Variants in KIF6 observed in about 807,000 individuals in gnomAD.
KIF6 encodes kinesin family member 6, also known as kinesin-like protein KIF6.
A neutral mutation model predicts 112.7 loss-of-function variants in KIF6; 106 were observed. The observed-to-expected ratio is 0.94, with a 90% CI of 0.80 to 1.11. The LOEUF (loss-of-function observed/expected upper bound fraction) is 1.11, where lower values mean the gene tolerates loss of function less well. Ranked by LOEUF, KIF6 falls within the 50% of genes least tolerant of loss-of-function variation. The pLI is 0.00. For synonymous variants in KIF6, 339 were observed against 339.9 expected (o/e 1.00, Z 0.03); for missense variants, 929 against 964.0 (o/e 0.96, Z 0.48).
intron 9 of KIF6, among the ~76,000 whole-genome samples, chr6:39,580,732 A>C (rs1386053545): frequency 7.2e-5 from 11 of 152,178 alleles, no homozygotes; most frequent in Admixed American, 7.2e-4. Flanking sequence ...AAAATAGTAT[A>C]AAAGAATACC....
At chr6:39,657,057 C>G (rs1785832252) in intron 3 of KIF6, among the ~76,000 whole-genome samples, 1 of 151,734 alleles carries the variant, frequency 6.6e-6, no homozygotes, top group Admixed American at 6.6e-5. Flanking sequence ...ATGGAGAAAC[C>G]CCGTCTCTAC....
intron 10 of KIF6, among the ~76,000 whole-genome samples, chr6:39,562,325 A>C (rs543503146): frequency 1.3e-5 from 2 of 152,296 alleles, no homozygotes; most frequent in East Asian, 3.9e-4. Context: ...CTTTAGAATG[A>C]AAAGGGGGAT....
rs1158937252 is a variant in KIF6, at chr6:39,419,955, ACTT to A, written c.1800_1802del (p.Arg600del). On this transcript the variant is annotated inframe_deletion, in exon 15 of 23. Transcript: ENST00000287152. ...AGAATATCATCTGCTTACCAATTTT[ACTT>A]CTTGCTTCATTTATACTTTCTCCCA... is the stretch of plus-strand genomic sequence containing the variant. The A allele has an allele frequency of 3.7e-6, 6 of 1,612,802 alleles. No homozygotes were observed. Among genetic ancestry groups the A allele is most frequent in the African/African-American group, 1.3e-5 (1 of 74,872 alleles).
chr6:39,603,316 A>C (rs1782677697), intron 6 of KIF6, among the ~76,000 whole-genome samples: 1 of 152,144 alleles, frequency 6.6e-6, no homozygotes, highest in Admixed American at 6.6e-5. Context: ...GACACTTTAC[A>C]TAACATCAAA....
At chr6:39,336,790 G>A (rs929025089) in intron 22 of KIF6, among the ~76,000 whole-genome samples, 6 of 117,800 alleles carry the variant, frequency 5.1e-5, no homozygotes, top group African/African-American at 8.4e-5. Flanking sequence ...CTACCCCACC[G>A]TTTTCTTTCC....
At chr6:39,527,370 C>G (rs1369376754) in intron 13 of KIF6, among the ~76,000 whole-genome samples, 1 of 152,136 alleles carries the variant, frequency 6.6e-6, no homozygotes, top group Non-Finnish European at 1.5e-5. Context: ...TTACTCCCAG[C>G]CTGGTCTATT....
intron 13 of KIF6, among the ~76,000 whole-genome samples, chr6:39,526,192 T>G (rs1192807107): frequency 6.6e-6 from 1 of 152,226 alleles, no homozygotes; most frequent in South Asian, 2.1e-4. Context: ...AGCTGTCACC[T>G]TGGACAATTT....
intron 6 of KIF6, among the ~76,000 whole-genome samples, chr6:39,608,506 A>T (rs544078618): frequency 2.6e-5 from 4 of 152,222 alleles, no homozygotes; most frequent in Non-Finnish European, 5.9e-5. Flanking sequence ...TACAGTTTCT[A>T]CTGCATGCAT....
At chr6:39,693,978 T>C (rs1178956983) in intron 3 of KIF6, among the ~76,000 whole-genome samples, 3 of 151,974 alleles carry the variant, frequency 2.0e-5, no homozygotes, top group Non-Finnish European at 4.4e-5. Context: ...CCATGATCAG[T>C]TGGATCTTAT....
chr6:39,379,552 C>T (rs899808057), intron 16 of KIF6, among the ~76,000 whole-genome samples: 9 of 152,014 alleles, frequency 5.9e-5, no homozygotes, highest in East Asian at 1.9e-4. Context: ...ACCCATGAGG[C>T]GGAGGCAAAA....
At chr6:39,593,387 T>C (rs1256103098) in intron 7 of KIF6, among the ~76,000 whole-genome samples, 2 of 152,248 alleles carry the variant, frequency 1.3e-5, no homozygotes, top group Non-Finnish European at 2.9e-5. Flanking sequence ...CTTCTTTCTG[T>C]GTGAAATTCA....
chr6:39,627,067 C>G (rs1784130687), intron 5 of KIF6, among the ~76,000 whole-genome samples: 2 of 152,160 alleles, frequency 1.3e-5, no homozygotes, highest in South Asian at 4.1e-4. Flanking sequence ...CTACACCTTG[C>G]CTGCCAAATC....
intron 3 of KIF6, among the ~76,000 whole-genome samples, chr6:39,649,126 A>C (rs1438967447): frequency 4.6e-5 from 7 of 152,128 alleles, no homozygotes; most frequent in Non-Finnish European, 1.0e-4. Context: ...TTGGGTGACA[A>C]GAAGACCCTG....
chr6:39,337,172 C>CTTCCT (rs1554195076), intron 22 of KIF6, among the ~76,000 whole-genome samples: 5 of 59,502 alleles, frequency 8.4e-5, no homozygotes, highest in Admixed American at 2.0e-4. Flanking sequence ...TCTTTCCTTC[C>CTTCCT]TTCTTTCTTT....
intron 3 of KIF6, among the ~76,000 whole-genome samples, chr6:39,679,655 G>A (rs1268587696): frequency 8.9e-5 from 12 of 134,276 alleles, no homozygotes; most frequent in Non-Finnish European, 1.7e-4. Flanking sequence ...TCACTCTGCT[G>A]CCCAGGCTGG....
chr6:39,379,178 G>A (rs1461848770), intron 16 of KIF6, among the ~76,000 whole-genome samples: 1 of 152,206 alleles, frequency 6.6e-6, no homozygotes, highest in Admixed American at 6.5e-5. Flanking sequence ...TGAAAACTAT[G>A]TAACTCTGGG....
intron 6 of KIF6, among the ~76,000 whole-genome samples, chr6:39,610,211 T>C (rs1783141253): frequency 6.6e-6 from 1 of 152,194 alleles, no homozygotes; most frequent in Non-Finnish European, 1.5e-5. Flanking sequence ...ATTTATTCTC[T>C]TTGGCCCAGC....
In KIF6 at chr6:39,358,951, G is replaced by A. The variant is rs536513148; in HGVS notation, c.2082+1444C>T. On this transcript the variant is annotated intron_variant, in intron 18 of 22. Transcript: ENST00000287152. ...ACACCTAGATCTTATTAATTAGTGC[G>A]TTTTAAAAGTGGTACATGTATTACT... 1.2e-4 allele frequency among the ~76,000 whole-genome samples: 18 copies of A among 152,106 alleles called. No homozygotes were observed. The East Asian group carries it at 1.3e-3, about 11-fold the overall frequency.
intron 13 of KIF6, among the ~76,000 whole-genome samples, chr6:39,528,984 C>A (rs1455088361): frequency 2.0e-5 from 3 of 152,154 alleles, no homozygotes; most frequent in Non-Finnish European, 4.4e-5. Flanking sequence ...ACCAATGGAA[C>A]AGAATAGAGA....
Sources: allele counts gnomAD v4.1 joint callset (sites outside exome capture counted in the v4.1 genomes callset), GRCh38; gene constraint gnomAD v4.1.1; transcripts MANE v1.5; gene names NCBI Gene and HGNC (gene_info 2026-07-23, HGNC 2026-07-21).